The following MON2 variants were observed in gnomAD, a reference collection of about 807,000 sequenced individuals.
The protein encoded by MON2 is protein MON2 homolog.
Under a neutral mutation model 208.6 loss-of-function variants are expected in MON2, and 84 were observed. The ratio of observed to expected loss-of-function variants is 0.40; its 90% confidence interval spans 0.34 to 0.48. MON2 has a LOEUF of 0.48. Among genes scored for constraint, MON2 ranks in the 20% least tolerant of loss-of-function variants. The pLI is 0.59. For missense variants in MON2, 1,611 were observed against 2,015.4 expected (o/e 0.80, Z 3.84); for synonymous variants, 660 against 694.0 (o/e 0.95, Z 0.77).
intron 11 of MON2, among the ~76,000 whole-genome samples, chr12:62,530,290 G>T (rs1000540585): frequency 6.7e-6 from 1 of 150,182 alleles, no homozygotes; most frequent in Non-Finnish European, 1.5e-5. Context: ...GAGTGCAGTG[G>T]TGTGATCTTG....
At chr12:62,552,478 C>T (rs2073792904) in intron 23 of MON2, among the ~76,000 whole-genome samples, 2 of 151,840 alleles carry the variant, frequency 1.3e-5, no homozygotes, top group South Asian at 4.1e-4. Flanking sequence ...AAATTACAAA[C>T]TTATTAAACA....
At chr12:62,508,250 T>TAA in intron 7 of MON2, 36 bp from the exon 8 acceptor site, 1 of 1,519,626 alleles carries the variant, frequency 6.6e-7, no homozygotes, top group East Asian at 2.3e-5. Context: ...CAAATAAAGT[T>TAA]AATTATTTTT....
intron 29 of MON2, among the ~76,000 whole-genome samples, chr12:62,569,231 C>G (rs1478122076): frequency 3.9e-5 from 6 of 152,128 alleles, no homozygotes; most frequent in Non-Finnish European, 8.8e-5. Context: ...GCAAACCATA[C>G]TTTTCTTTTA....
intron 24 of MON2, among the ~76,000 whole-genome samples, 187 bp from the exon 25 acceptor site, chr12:62,555,807 T>TAAAAAAAAAAAA (rs36090980): frequency 8.3e-6 from 1 of 120,292 alleles, no homozygotes; most frequent in Non-Finnish European, 1.7e-5. Context: ...AGACTCCATC[T>TAAAAAAAAAAAA]AAAAAAAAAA....
intron 1 of MON2, among the ~76,000 whole-genome samples, chr12:62,471,251 C>T (rs1055433852): frequency 2.0e-5 from 3 of 152,138 alleles, no homozygotes; most frequent in African/African-American, 7.2e-5. Flanking sequence ...GGCACAATCT[C>T]GGCTCACTGC....
intron 2 of MON2, among the ~76,000 whole-genome samples, chr12:62,485,508 A>G (rs959307783): frequency 1.3e-5 from 2 of 152,164 alleles, no homozygotes; most frequent in African/African-American, 2.4e-5. Context: ...GCGCTCCTCA[A>G]TTACATCTGT....
Position 62,466,928 on chromosome 12 carries a change from C to T in MON2, c.-280C>T. 2 of 491,274 alleles carry T rather than the reference C, an allele frequency of 4.1e-6. No individual in the cohort carries two copies. Among genetic ancestry groups the T allele is most frequent in the Non-Finnish European group, 7.2e-6 (2 of 277,616 alleles). 30.4% of individuals were successfully genotyped at this position (491,274 alleles called of 1,614,324 possible). A position where few individuals can be genotyped will look rare whatever the true frequency, so the allele number is the denominator to read the frequency against. The stretch of plus-strand genomic sequence containing the variant: ...CACCCGGTGTGGCTGGGCCCCGCGG[C>T]AGCGGAGGGACCTGCCCGCCTTGTG... On this transcript the variant is annotated 5_prime_UTR_variant, in exon 1 of 35. Transcript: ENST00000393630.
intron 25 of MON2, among the ~76,000 whole-genome samples, chr12:62,557,137 T>C (rs937751100): frequency 8.6e-5 from 13 of 151,582 alleles, no homozygotes; most frequent in African/African-American, 2.9e-4. Context: ...AAACTACTGA[T>C]AGATTTTAAT....
At chr12:62,504,098 C>T (rs184623538) in intron 7 of MON2, among the ~76,000 whole-genome samples, 35 of 151,994 alleles carry the variant, frequency 2.3e-4, no homozygotes, top group Middle Eastern at 3.4e-3. Flanking sequence ...AGTAATAGTG[C>T]CTGGCATATG....
intron 26 of MON2, among the ~76,000 whole-genome samples, chr12:62,562,315 T>C (rs1456987276): frequency 6.6e-6 from 1 of 151,910 alleles, no homozygotes; most frequent in East Asian, 1.9e-4. Flanking sequence ...TTTTTTTTTT[T>C]CAGAAAAAAA....
In MON2 at chr12:62,592,954, G is replaced by T; in HGVS notation, c.*205G>T. ...GCTCCTGAATGAACAGCAGTGTAAG[G>T]CTTTAATAAATTAAACTGATGGGAG... is the stretch of plus-strand genomic sequence containing the variant. On this transcript the variant is annotated 3_prime_UTR_variant, in exon 35 of 35. Transcript: ENST00000393630. 1 of 446,804 alleles carries T rather than the reference G, an allele frequency of 2.2e-6. No homozygotes were observed. The highest frequency in any genetic ancestry group is 4.0e-6 in the Non-Finnish European group (1 of 249,296). The allele number at this position is 446,804 out of a possible 1,614,324, so 27.7% of individuals were successfully genotyped here. A position where few individuals can be genotyped will look rare whatever the true frequency, so the allele number is the denominator to read the frequency against.
chr12:62,577,009 ATTT>A (rs1313719103), intron 30 of MON2, among the ~76,000 whole-genome samples: 2 of 151,890 alleles, frequency 1.3e-5, no homozygotes, highest in East Asian at 3.9e-4. Flanking sequence ...TATTAATATT[ATTT>A]TATTATTTTT....
intron 1 of MON2, among the ~76,000 whole-genome samples, chr12:62,475,092 G>C (rs1459863086): frequency 6.6e-6 from 1 of 152,024 alleles, no homozygotes; most frequent in Non-Finnish European, 1.5e-5. Context: ...ATATTCTCTT[G>C]ATTTTCCTAA....
At chr12:62,554,378 T>G (rs2073875590) in intron 24 of MON2, among the ~76,000 whole-genome samples, 1 of 152,198 alleles carries the variant, frequency 6.6e-6, no homozygotes, top group African/African-American at 2.4e-5. Flanking sequence ...TATTTTGGCC[T>G]GGAGTGAGTC....
At chr12:62,471,968 T>G (rs1259552762) in intron 1 of MON2, among the ~76,000 whole-genome samples, 2 of 152,142 alleles carry the variant, frequency 1.3e-5, no homozygotes, top group Non-Finnish European at 1.5e-5. Flanking sequence ...CTTGCGAAGA[T>G]AAGAAACAAG....
chr12:62,588,772 G>C (rs2075300863), intron 34 of MON2: 6 of 715,158 alleles, frequency 8.4e-6, no homozygotes, highest in Middle Eastern at 2.4e-4. Flanking sequence ...TCCCACAATA[G>C]ATTTCATTTC....
At chr12:62,536,891 G>T (rs533083461) in intron 14 of MON2, among the ~76,000 whole-genome samples, 2 of 152,016 alleles carry the variant, frequency 1.3e-5, no homozygotes, top group Admixed American at 1.3e-4. Context: ...ACTTCACCAT[G>T]TTGGCCAGGC....
At chr12:62,501,960 C>T (rs1363531064) in intron 7 of MON2, among the ~76,000 whole-genome samples, 1 of 151,776 alleles carries the variant, frequency 6.6e-6, no homozygotes, top group East Asian at 1.9e-4. Context: ...GGTGGCTCAC[C>T]CCTGTAATCC....
At chr12:62,553,641 C>T (rs1006795242) in intron 24 of MON2, among the ~76,000 whole-genome samples, 2 of 152,154 alleles carry the variant, frequency 1.3e-5, no homozygotes, top group Non-Finnish European at 2.9e-5. Context: ...TATTTGTAGA[C>T]TCACCAAACA....
Sources: gnomAD v4.1 joint callset for allele counts (sites outside exome capture counted in the v4.1 genomes callset) on GRCh38, gnomAD v4.1.1 for gene constraint, MANE v1.5 for transcripts, NCBI Gene and HGNC (gene_info 2026-07-23, HGNC 2026-07-21) for gene names.